CHMP4B: variants seen among roughly 807,000 people sequenced by gnomAD.
The protein encoded by CHMP4B is SNF7 homolog associated with Alix 1.
A neutral mutation model predicts 25.1 loss-of-function variants in CHMP4B; 1 was observed. The ratio of observed to expected loss-of-function variants is 0.04; its 90% CI spans 0.01 to 0.19. The LOEUF (loss-of-function observed/expected upper bound fraction) is 0.19, where lower values mean the gene tolerates loss of function less well. Ranked by LOEUF, CHMP4B falls within the 10% of genes least tolerant of loss-of-function variation. CHMP4B has a pLI of 1.00. For missense variants in CHMP4B, 151 were observed against 289.7 expected, an observed-to-expected ratio of 0.52 and a Z score of 3.48; for synonymous variants, 101 against 115.6, an observed-to-expected ratio of 0.87 and a Z score of 0.81.
intron 2 of CHMP4B, 71 bp downstream of exon 2, chr20:33,848,715 CT>C: frequency 6.5e-7 from 1 of 1,528,178 alleles, no homozygotes; most frequent in Non-Finnish European, 9.0e-7. Context: ...AGGCCATGGC[CT>C]TGGGCAGACG....
chr20:33,848,738 T>G, intron 2 of CHMP4B, 94 bp downstream of exon 2: 9 of 1,335,228 alleles, frequency 6.7e-6, no homozygotes, highest in Non-Finnish European at 9.5e-6. Flanking sequence ...ATCCCTTGAC[T>G]TACCTATTCG....
chr20:33,815,279 TTA>T (rs2122780106), intron 1 of CHMP4B, among the ~76,000 whole-genome samples: 1 of 152,312 alleles, frequency 6.6e-6, no homozygotes, highest in African/African-American at 2.4e-5. Context: ...ATGCTTGCCA[TTA>T]TCATTATTAC....
intron 1 of CHMP4B, among the ~76,000 whole-genome samples, chr20:33,815,975 A>G (rs1978773232): frequency 6.6e-6 from 1 of 152,196 alleles, no homozygotes. Context: ...CTGGGTGTGT[A>G]GCCAAATGTA....
intron 1 of CHMP4B, among the ~76,000 whole-genome samples, chr20:33,846,689 C>T (rs1489832387): frequency 6.6e-6 from 1 of 152,176 alleles, no homozygotes; most frequent in Non-Finnish European, 1.5e-5. Flanking sequence ...GGGACCTATT[C>T]ATGTGACATA....
chr20:33,852,149 C>T lies in CHMP4B; in HGVS notation c.556C>T (p.Pro186Ser). The T allele has an allele frequency of 6.2e-7, 1 of 1,614,174 alleles. No individual in the cohort carries two copies. The highest frequency in any genetic ancestry group is 8.5e-7 in the Non-Finnish European group (1 of 1,180,002). Reference protein sequence around the residue: ...LDKNLLEISGPETVPLPNVPS... With the variant: ...LDKNLLEISGSETVPLPNVPS... ...CAAGAATTTGCTGGAAATCAGTGGACCCGAAACAGTCCCTCTACCAAATGT... is the reference window on the plus strand; with the variant it reads ...CAAGAATTTGCTGGAAATCAGTGGATCCGAAACAGTCCCTCTACCAAATGT... Residue 186 changes from proline to serine, a missense_variant, in exon 4 of 5, where the codon CCC (proline) becomes TCC (serine). Around this residue, in one of 3 missense-constraint regions of CHMP4B, gnomAD observed 41 missense variants for 50.9 expected, o/e 0.81. Transcript: ENST00000217402.
chr20:33,838,125 C>T (rs1031630069), intron 1 of CHMP4B, among the ~76,000 whole-genome samples: 7 of 152,188 alleles, frequency 4.6e-5, no homozygotes, highest in Non-Finnish European at 1.5e-5. Context: ...TGTTCGGGCA[C>T]CTGGCTTGGA....
chr20:33,828,772 T>C (rs2122793062), intron 1 of CHMP4B, among the ~76,000 whole-genome samples: 1 of 152,252 alleles, frequency 6.6e-6, no homozygotes, highest in East Asian at 1.9e-4. Context: ...TTTTTTTTTT[T>C]TCTTTTTCGT....
At chr20:33,837,716 T>C (rs1979427936) in intron 1 of CHMP4B, among the ~76,000 whole-genome samples, 1 of 152,246 alleles carries the variant, frequency 6.6e-6, no homozygotes, top group South Asian at 2.1e-4. Flanking sequence ...TTCTGATCTT[T>C]CTAACTCAGT....
chr20:33,850,791 A>G (rs935726690), intron 2 of CHMP4B, among the ~76,000 whole-genome samples, 161 bp from the exon 3 acceptor site: 1 of 152,256 alleles, frequency 6.6e-6, no homozygotes, highest in Non-Finnish European at 1.5e-5. Context: ...TTTAAAGGGG[A>G]GGAGGCAATA....
In CHMP4B at chr20:33,828,304, G is replaced by C. The variant is rs148346198; in HGVS notation, c.190+16646G>C. Reference sequence around the variant, plus strand: ...AGGGAAAGCTGGGACTGGAACTCATGACACCTATCTCCTCATTCCAGTGAA... The same window carrying C: ...AGGGAAAGCTGGGACTGGAACTCATCACACCTATCTCCTCATTCCAGTGAA... On this transcript the variant is annotated intron_variant, in intron 1 of 4. Transcript: ENST00000217402. Among the ~76,000 whole-genome samples, 680 of 152,286 alleles carry C rather than the reference G, an allele frequency of 4.5e-3. 2 individuals are homozygous for C. The highest frequency in any genetic ancestry group is 0.02 in the Middle Eastern group (6 of 294).
chr20:33,838,725 C>T (rs1443908480), intron 1 of CHMP4B, among the ~76,000 whole-genome samples: 1 of 152,110 alleles, frequency 6.6e-6, no homozygotes, highest in Non-Finnish European at 1.5e-5. Flanking sequence ...CCTCACTAAC[C>T]AGGGGGAGGT....
At chr20:33,821,483 C>T (rs1978939893) in intron 1 of CHMP4B, among the ~76,000 whole-genome samples, 1 of 151,988 alleles carries the variant, frequency 6.6e-6, no homozygotes, top group Non-Finnish European at 1.5e-5. Flanking sequence ...AGCCCAGTTG[C>T]TATTCCCTGC....
rs749811593 is a variant in CHMP4B, at chr20:33,848,652, T to C, written c.368+8T>C. The C allele has an allele frequency of 6.2e-7, 1 of 1,614,136 alleles. No homozygotes were observed. The highest frequency in any genetic ancestry group is 1.6e-4 in the Middle Eastern group (1 of 6,062). ...GGCGGCCCATGACAACATGTACGTGTCCACCCGCCCCTGCGCCACAGGGCA... is the reference window on the plus strand; with the variant it reads ...GGCGGCCCATGACAACATGTACGTGCCCACCCGCCCCTGCGCCACAGGGCA... On this transcript the variant is annotated splice_region_variant and intron_variant, in intron 2 of 4. Coordinates refer to ENST00000217402, the MANE Select transcript of CHMP4B (RefSeq NM_176812.5).
At chr20:33,816,682 A>G (rs1176758976) in intron 1 of CHMP4B, among the ~76,000 whole-genome samples, 1 of 152,270 alleles carries the variant, frequency 6.6e-6, no homozygotes, top group Non-Finnish European at 1.5e-5. Context: ...CTAAGGAAAT[A>G]TCTACTCTAG....
Position 33,821,259 on chromosome 20 carries a change from C to G in CHMP4B, c.190+9601C>G, listed in dbSNP as rs1332048368. ...AAAATTAGCTGGGCGTGGTGGCAGG[C>G]GCCTGTAATCCCAGCTACTTGAGAG... On this transcript the variant is annotated intron_variant, in intron 1 of 4. Coordinates refer to ENST00000217402, the MANE Select transcript of CHMP4B (RefSeq NM_176812.5). 2.0e-5 allele frequency among the ~76,000 whole-genome samples: 3 copies of G among 151,930 alleles called. No individual in the cohort carries two copies. In the East Asian group the frequency reaches 5.8e-4, roughly 29 times the overall value.
intron 1 of CHMP4B, among the ~76,000 whole-genome samples, chr20:33,833,329 A>G (rs1260006682): frequency 6.6e-6 from 1 of 152,142 alleles, no homozygotes; most frequent in Non-Finnish European, 1.5e-5. Context: ...CTTGGAACTT[A>G]TTCCTGACTC....
At chr20:33,820,325 C>T (rs1008892221) in intron 1 of CHMP4B, among the ~76,000 whole-genome samples, 6 of 152,188 alleles carry the variant, frequency 3.9e-5, no homozygotes, top group African/African-American at 1.4e-4. Context: ...GGATATTTTA[C>T]ACTTTGGGGA....
chr20:33,817,211 C>T (rs886474796), intron 1 of CHMP4B, among the ~76,000 whole-genome samples: 1 of 152,276 alleles, frequency 6.6e-6, no homozygotes, highest in African/African-American at 2.4e-5. Context: ...CTCAGTGACG[C>T]TTAAGTTTCT....
chr20:33,842,472 C>T (rs143320449), intron 1 of CHMP4B, among the ~76,000 whole-genome samples: 5 of 152,316 alleles, frequency 3.3e-5, no homozygotes, highest in African/African-American at 1.2e-4. Context: ...TATTCACTGG[C>T]AGAATGAGCC....
Sources: allele counts gnomAD v4.1 joint callset (sites outside exome capture counted in the v4.1 genomes callset), GRCh38; gene constraint gnomAD v4.1.1; regional missense constraint gnomAD v4.1.1; transcripts MANE v1.5; gene names NCBI Gene and HGNC (gene_info 2026-07-23, HGNC 2026-07-21).